The following EYA2 variants were observed in gnomAD, a reference collection of about 807,000 sequenced individuals.
EYA2 encodes protein phosphatase EYA2.
Under a neutral mutation model 69.2 loss-of-function variants are expected in EYA2, and 31 were observed. That is an observed-to-expected ratio of 0.45 (90% CI 0.34 to 0.60). The LOEUF (loss-of-function observed/expected upper bound fraction) is 0.60, where lower values mean the gene tolerates loss of function less well. Ranked by LOEUF, EYA2 falls within the 20% of genes least tolerant of loss-of-function variation. The pLI is 0.02. For synonymous variants in EYA2, 257 were observed against 279.4 expected, an observed-to-expected ratio of 0.92 and a Z score of 0.80; for missense variants, 622 against 701.2, an observed-to-expected ratio of 0.89 and a Z score of 1.28.
chr20:47,151,329 C>G (rs2033818430), intron 10 of EYA2, among the ~76,000 whole-genome samples: 1 of 151,776 alleles, frequency 6.6e-6, no homozygotes, highest in Non-Finnish European at 1.5e-5. Context: ...CAAGATCACA[C>G]CTCTGCACTC....
chr20:47,011,594 C>A (rs576583376), intron 4 of EYA2, among the ~76,000 whole-genome samples: 1 of 152,118 alleles, frequency 6.6e-6, no homozygotes. Context: ...GCCTGATGAC[C>A]TTTGCACATG....
chr20:46,955,922 T>C (rs947822421), intron 1 of EYA2, among the ~76,000 whole-genome samples: 1 of 152,250 alleles, frequency 6.6e-6, no homozygotes, highest in East Asian at 1.9e-4. Context: ...AACTACTCAG[T>C]TCTGTCATCA....
At chr20:46,924,001 G>A (rs1985294449) in intron 1 of EYA2, among the ~76,000 whole-genome samples, 1 of 152,092 alleles carries the variant, frequency 6.6e-6, no homozygotes, top group Non-Finnish European at 1.5e-5. Context: ...AATTCTCTTT[G>A]TATAACAAAG....
At chr20:47,143,289 A>G in intron 10 of EYA2, 141 bp downstream of exon 10, 1 of 762,592 alleles carries the variant, frequency 1.3e-6, no homozygotes, top group Non-Finnish European at 2.0e-6. Context: ...AACTTTTGCT[A>G]ACAACCCCCA....
chr20:46,941,977 A>C (rs1331037169), intron 1 of EYA2, among the ~76,000 whole-genome samples: 1 of 152,038 alleles, frequency 6.6e-6, no homozygotes, highest in African/African-American at 2.4e-5. Context: ...AGCTGGTCTC[A>C]AACTCCTGGG....
intron 5 of EYA2, among the ~76,000 whole-genome samples, chr20:47,060,145 A>G (rs551829742): frequency 6.6e-6 from 1 of 152,346 alleles, no homozygotes; most frequent in East Asian, 1.9e-4. Flanking sequence ...ATAGTGTTCT[A>G]TCAGTGAGGA....
At chr20:47,008,867 A>G (rs1982888466) in intron 4 of EYA2, among the ~76,000 whole-genome samples, 1 of 151,782 alleles carries the variant, frequency 6.6e-6, no homozygotes, top group African/African-American at 2.4e-5. Context: ...GGAGGATTAA[A>G]TGAGATCATC....
chr20:46,948,606 A>C (rs1160158260), intron 1 of EYA2, among the ~76,000 whole-genome samples: 1 of 152,236 alleles, frequency 6.6e-6, no homozygotes, highest in Non-Finnish European at 1.5e-5. Flanking sequence ...GAAGCCACTG[A>C]AAATCCTCTC....
At chr20:46,916,763 CTT>C (rs1198857569) in intron 1 of EYA2, among the ~76,000 whole-genome samples, 1 of 152,110 alleles carries the variant, frequency 6.6e-6, no homozygotes, top group Non-Finnish European at 1.5e-5. Flanking sequence ...ATGATGCTCA[CTT>C]TCTTCCCAGA....
At chr20:47,022,696 C>T (rs969810481) in intron 5 of EYA2, among the ~76,000 whole-genome samples, 45 of 145,230 alleles carry the variant, frequency 3.1e-4, no homozygotes, top group South Asian at 2.2e-4. Flanking sequence ...CTCTGTCACC[C>T]GGGCTGGAGT....
chr20:47,126,358 A>G (rs1600727181), intron 9 of EYA2, among the ~76,000 whole-genome samples: 1 of 152,142 alleles, frequency 6.6e-6, no homozygotes, highest in African/African-American at 2.4e-5. Flanking sequence ...AGTGCTTTCC[A>G]CCCATCACCT....
At chr20:47,078,325 G>GCACACA (rs1358060493) in intron 7 of EYA2, among the ~76,000 whole-genome samples, 28 of 105,342 alleles carry the variant, frequency 2.7e-4, no homozygotes, top group African/African-American at 1.1e-3. Flanking sequence ...ACGTGCGCGC[G>GCACACA]CGCGCGCACA....
intron 9 of EYA2, among the ~76,000 whole-genome samples, chr20:47,123,547 G>A (rs937838918): frequency 4.6e-5 from 7 of 152,068 alleles, no homozygotes; most frequent in African/African-American, 1.7e-4. Context: ...GGTAGTCAGG[G>A]CCATGAGCAC....
At chr20:47,187,315 G>A (rs752689881) in intron 15 of EYA2, among the ~76,000 whole-genome samples, 3 of 151,648 alleles carry the variant, frequency 2.0e-5, no homozygotes, top group Non-Finnish European at 4.4e-5. Context: ...GCTGCAGTGA[G>A]CAGAGATCAT....
At chr20:46,916,709 G>T (rs945712171) in intron 1 of EYA2, among the ~76,000 whole-genome samples, 1 of 152,162 alleles carries the variant, frequency 6.6e-6, no homozygotes, top group Non-Finnish European at 1.5e-5. Context: ...GGGATATAGT[G>T]GGGGGCTTTT....
rs1375936725 is a variant in EYA2 at position 47,188,356 on chromosome 20, A to G, written c.*223A>G. 3.3e-6 allele frequency: 2 copies of G among 601,696 alleles called. No homozygotes were observed. Among genetic ancestry groups the G allele is most frequent in the Non-Finnish European group, 5.9e-6 (2 of 337,554 alleles). 37.3% of individuals were successfully genotyped at this position (601,696 alleles called of 1,614,324 possible). A position where few individuals can be genotyped will look rare whatever the true frequency, so the allele number is the denominator to read the frequency against. ...GGCTTCGGAGTATTTGACTTTGGGGAAAAGGGCTGGCTCGGAGTCTAGACT... is the reference window on the plus strand; with the variant it reads ...GGCTTCGGAGTATTTGACTTTGGGGGAAAGGGCTGGCTCGGAGTCTAGACT... On this transcript the variant is annotated 3_prime_UTR_variant, in exon 16 of 16. Transcript: ENST00000327619.
At chr20:46,964,002 G>A (rs1169971485) in intron 1 of EYA2, among the ~76,000 whole-genome samples, 14 of 152,348 alleles carry the variant, frequency 9.2e-5, no homozygotes, top group South Asian at 2.1e-4. Context: ...ACACATCAGC[G>A]GGTTATGAAA....
intron 9 of EYA2, among the ~76,000 whole-genome samples, chr20:47,105,422 C>T (rs761381430): frequency 6.6e-6 from 1 of 152,070 alleles, no homozygotes; most frequent in Non-Finnish European, 1.5e-5. Context: ...GCCAGGAGTT[C>T]GAAACCAGCC....
intron 4 of EYA2, among the ~76,000 whole-genome samples, chr20:47,005,725 A>G (rs1982665691): frequency 6.6e-6 from 1 of 152,182 alleles, no homozygotes; most frequent in Admixed American, 6.5e-5. Flanking sequence ...AGAAGGAGAA[A>G]TGGATGTGGT....
Sources: gnomAD v4.1 joint callset for allele counts (sites outside exome capture counted in the v4.1 genomes callset) on GRCh38, gnomAD v4.1.1 for gene constraint, MANE v1.5 for transcripts, NCBI Gene and HGNC (gene_info 2026-07-23, HGNC 2026-07-21) for gene names.